Variants in OPCML observed in about 807,000 individuals in gnomAD.
OPCML encodes opioid binding protein/cell adhesion molecule like, also known as opioid-binding protein/cell adhesion molecule.
Under a neutral mutation model 37.8 loss-of-function variants are expected in OPCML, and 13 were observed. The ratio of observed to expected loss-of-function variants is 0.34; its 90% CI spans 0.22 to 0.55. The LOEUF is 0.55. Ranked by LOEUF, OPCML falls within the 20% of genes least tolerant of loss-of-function variation. The probability of loss-of-function intolerance (pLI) is 0.91; values close to 1 mark genes in which losing one functional copy is unlikely to be tolerated. For missense variants in OPCML, 341 were observed against 435.6 expected, an observed-to-expected ratio of 0.78 and a Z score of 1.93; for synonymous variants, 176 against 168.8, an observed-to-expected ratio of 1.04 and a Z score of -0.33.
chr11:133,070,682 A>G (rs151311487), intron 1 of OPCML, among the ~76,000 whole-genome samples: 220 of 152,306 alleles, frequency 1.4e-3, no homozygotes, highest in African/African-American at 5.0e-3. Context: ...AGTTTTCTTC[A>G]TAATTATGTT....
intron 2 of OPCML, among the ~76,000 whole-genome samples, chr11:132,849,390 G>C (rs1360004346): frequency 6.6e-6 from 1 of 152,162 alleles, no homozygotes; most frequent in Non-Finnish European, 1.5e-5. Context: ...CAGGCATTTT[G>C]GTAGGCACTG....
intron 3 of OPCML, among the ~76,000 whole-genome samples, chr11:132,547,997 T>C (rs2096372718): frequency 6.6e-6 from 1 of 152,186 alleles, no homozygotes; most frequent in African/African-American, 2.4e-5. Context: ...CTGAAGGTGA[T>C]GAAAACTCAT....
chr11:133,489,557 A>T (rs2120426915), intron 1 of OPCML, among the ~76,000 whole-genome samples: 1 of 152,336 alleles, frequency 6.6e-6, no homozygotes, highest in Non-Finnish European at 1.5e-5. Flanking sequence ...AATGACTATT[A>T]TTAAAAAGTC....
At chr11:132,984,231 T>C (rs548036192) in intron 1 of OPCML, among the ~76,000 whole-genome samples, 17 of 152,186 alleles carry the variant, frequency 1.1e-4, no homozygotes, top group South Asian at 6.2e-4. Context: ...AACTTACAAT[T>C]ATAGCTAAGC....
intron 2 of OPCML, among the ~76,000 whole-genome samples, chr11:132,873,997 G>A (rs1409230094): frequency 6.6e-6 from 1 of 152,064 alleles, no homozygotes; most frequent in African/African-American, 2.4e-5. Flanking sequence ...GAAATAAATC[G>A]TTACCCTGTC....
Position 132,924,041 on chromosome 11 carries a change from G to A in OPCML, c.146+18885C>T, listed in dbSNP as rs186964253. Among the ~76,000 whole-genome samples, 577 of 152,020 alleles carry A rather than the reference G, an allele frequency of 3.8e-3. 2 individuals carry two copies. The highest frequency in any genetic ancestry group is 5.2e-3 in the Non-Finnish European group (356 of 67,994). ...GCCTCCCAAAGTGCTGAGATTACAG[G>A]TGTGAGCCACTGCGCCCAGCCCCTA... On this transcript the variant is annotated intron_variant, in intron 2 of 7. Transcript: ENST00000524381.
At chr11:132,456,703 C>T (rs923794446) in intron 4 of OPCML, among the ~76,000 whole-genome samples, 7 of 152,174 alleles carry the variant, frequency 4.6e-5, no homozygotes, top group African/African-American at 1.7e-4. Flanking sequence ...CAGTAGTGAA[C>T]ACGTAAAGTG....
intron 4 of OPCML, among the ~76,000 whole-genome samples, chr11:132,467,498 A>T (rs1331275590): frequency 1.3e-5 from 2 of 152,150 alleles, no homozygotes; most frequent in Non-Finnish European, 2.9e-5. Context: ...ATTATATTCC[A>T]CCTTGTTTTA....
chr11:132,759,152 A>G (rs1401393552), intron 2 of OPCML, among the ~76,000 whole-genome samples: 1 of 152,176 alleles, frequency 6.6e-6, no homozygotes, highest in Non-Finnish European at 1.5e-5. Flanking sequence ...GATGAAACCG[A>G]CTTGATCATG....
chr11:132,733,476 T>C (rs1207355679), intron 2 of OPCML, among the ~76,000 whole-genome samples: 1 of 152,104 alleles, frequency 6.6e-6, no homozygotes, highest in Non-Finnish European at 1.5e-5. Context: ...TTCTACTTGC[T>C]GAGATTGAAA....
intron 2 of OPCML, among the ~76,000 whole-genome samples, chr11:132,781,296 A>AG (rs1248975458): frequency 6.6e-6 from 1 of 152,042 alleles, no homozygotes; most frequent in Non-Finnish European, 1.5e-5. Flanking sequence ...CTTCCAGTCA[A>AG]CCGAAGACCC....
In OPCML at chr11:133,377,345, C is replaced by T. The variant is rs568802963; in HGVS notation, c.61+154919G>A. ...AAGATGTTTCCAGCCATGCTTTGCCCTGCTGTTCTGAGGCTGGAATGCTAA... is the reference window on the plus strand; with the variant it reads ...AAGATGTTTCCAGCCATGCTTTGCCTTGCTGTTCTGAGGCTGGAATGCTAA... On this transcript the variant is annotated intron_variant, in intron 1 of 7. Transcript: ENST00000524381. Among the ~76,000 whole-genome samples the T allele has an allele frequency of 5.3e-5, 8 of 152,268 alleles. No individual in the cohort carries two copies. In the East Asian group the frequency reaches 1.4e-3, roughly 26 times the overall value.
chr11:132,611,765 T>G (rs1449328180), intron 3 of OPCML, among the ~76,000 whole-genome samples: 1 of 152,116 alleles, frequency 6.6e-6, no homozygotes, highest in East Asian at 1.9e-4. Flanking sequence ...CAAATTCCAA[T>G]GAAAGAAAGT....
chr11:132,452,960 T>A (rs1395874116), intron 4 of OPCML, among the ~76,000 whole-genome samples: 1 of 152,200 alleles, frequency 6.6e-6, no homozygotes, highest in Non-Finnish European at 1.5e-5. Flanking sequence ...ACCTTGCTTA[T>A]AAGTCTCCTC....
chr11:133,177,522 T>C lies in OPCML; in HGVS notation c.62-234512A>G, dbSNP rs574724777. 3.3e-4 allele frequency among the ~76,000 whole-genome samples: 50 copies of C among 152,296 alleles called. No individual in the cohort carries two copies. The highest frequency in any genetic ancestry group is 7.8e-4 in the Admixed American group (12 of 15,304). ...CTGCTTCCTGATGGACAGGAAAGACTGCACCAGACCCTAGCTTTCCCAGGG... is the reference window on the plus strand; with the variant it reads ...CTGCTTCCTGATGGACAGGAAAGACCGCACCAGACCCTAGCTTTCCCAGGG... On this transcript the variant is annotated intron_variant, in intron 1 of 7. Transcript: ENST00000524381. This position sits in a 1 kb window ranked among gnomAD's most constrained non-coding sequence, Gnocchi z 5.0.
rs563943538 is a variant in OPCML, at chr11:133,429,776, C to G, written c.61+102488G>C. 7.9e-5 allele frequency among the ~76,000 whole-genome samples: 12 copies of G among 151,950 alleles called. No homozygotes were observed. The South Asian group carries it at 2.3e-3, about 29-fold the overall frequency. On this transcript the variant is annotated intron_variant, in intron 1 of 7. Transcript: ENST00000524381. ...GTTGAGATGACCTCACAAAAAGCGG[C>G]CTTGGAAAGATCAGGAATTTAATTT...
At chr11:133,307,866 T>G (rs1369525933) in intron 1 of OPCML, among the ~76,000 whole-genome samples, 2 of 152,110 alleles carry the variant, frequency 1.3e-5, no homozygotes, top group African/African-American at 2.4e-5. Flanking sequence ...TTTTTTAAAT[T>G]TTACCTCCCA....
chr11:132,538,800 C>T (rs1055191813), intron 3 of OPCML, among the ~76,000 whole-genome samples: 3 of 152,214 alleles, frequency 2.0e-5, no homozygotes, highest in Non-Finnish European at 4.4e-5. Context: ...GCCCTAGTCA[C>T]ATCAGCCCAT....
At chr11:132,709,845 C>T (rs1793284) in intron 2 of OPCML, among the ~76,000 whole-genome samples, 14,039 of 152,164 alleles carry the variant, frequency 0.092, 742 homozygotes, top group Non-Finnish European at 0.1. Context: ...TAAGACCGTG[C>T]GAATATCCTG....
Sources: allele counts gnomAD v4.1 joint callset (sites outside exome capture counted in the v4.1 genomes callset), GRCh38; gene constraint gnomAD v4.1.1; non-coding constraint Gnocchi (gnomAD v3.1); transcripts MANE v1.5; gene names NCBI Gene and HGNC (gene_info 2026-07-23, HGNC 2026-07-21).